The following SPTBN5 variants were observed in gnomAD, a reference collection of about 807,000 sequenced individuals.
SPTBN5 encodes spectrin beta, non-erythrocytic 5, also known as spectrin beta chain, non-erythrocytic 5.
In SPTBN5, 513 loss-of-function variants were observed where a neutral mutation model predicts 477.6. That is an observed-to-expected ratio of 1.07 (90% confidence interval 1.00 to 1.16). SPTBN5 has a LOEUF of 1.16. SPTBN5 is among the 50% of genes most tolerant of loss of function. The pLI is 0.00. For missense variants in SPTBN5, 5,062 were observed against 4,731.8 expected, an observed-to-expected ratio of 1.07 and a Z score of -2.05; for synonymous variants, 2,169 against 2,011.7, an observed-to-expected ratio of 1.08 and a Z score of -2.09.
intron 63 of SPTBN5, among the ~76,000 whole-genome samples, 166 bp downstream of exon 63, chr15:41,851,613 G>A (rs1212818): frequency 0.85 from 116,332 of 137,430 alleles, 50,225 homozygotes; most frequent in Middle Eastern, 0.91. Context: ...GCGGTGGCAG[G>A]AGCTGGGAAG....
Position 41,851,285 on chromosome 15 carries a change from C to T in SPTBN5, c.10741G>A (p.Glu3581Lys). 1 of 1,551,304 alleles carries T rather than the reference C, an allele frequency of 6.4e-7. No homozygotes were observed. Among genetic ancestry groups the T allele is most frequent in the Non-Finnish European group, 8.7e-7 (1 of 1,147,038 alleles). ...ATCTCCCCTACCCCGCCTGGTACCT[C>T]CGCTGCCATCCTCTCATCCAGGAAC... ...SLFLDERMAAEKVASIALLDL... is the reference protein window; with the variant it reads ...SLFLDERMAAKKVASIALLDL... The change falls in exon 64 of 68, where the codon GAG (glutamate) becomes AAG (lysine). Residue 3581 changes from glutamate (E) to lysine (K), a missense_variant and splice_region_variant. Transcript: ENST00000320955.
In SPTBN5 at chr15:41,852,338, G is replaced by T. The variant is rs1263001181; in HGVS notation, c.10450-22C>A. Reference sequence around the variant, plus strand: ...CCATCTTGGGGAGTGGGCAAGGTGGGCAAGGTGAGCCAGGTCAGGGAGACC... The same window carrying T: ...CCATCTTGGGGAGTGGGCAAGGTGGTCAAGGTGAGCCAGGTCAGGGAGACC... On this transcript the variant is annotated intron_variant, in intron 61 of 67. Transcript: ENST00000320955. 5.2e-6 allele frequency: 8 copies of T among 1,546,742 alleles called. No homozygotes were observed. In the African/African-American group the frequency reaches 1.1e-4, roughly 21 times the overall value.
At chr15:41,857,916 A>G (rs540450885) in intron 49 of SPTBN5, among the ~76,000 whole-genome samples, 1 of 152,370 alleles carries the variant, frequency 6.6e-6, no homozygotes, top group South Asian at 2.1e-4. Context: ...GAGATAAGTC[A>G]TATAAAATAC....
At chr15:41,878,748 C>T (rs1455701770) in intron 16 of SPTBN5, 119 bp from the exon 17 acceptor site, 1 of 1,165,070 alleles carries the variant, frequency 8.6e-7, no homozygotes, top group Non-Finnish European at 1.2e-6. Context: ...TCAATGCCCA[C>T]CCCACCCTTG....
chr15:41,881,550 G>T (rs2066953456), intron 12 of SPTBN5, among the ~76,000 whole-genome samples: 1 of 152,236 alleles, frequency 6.6e-6, no homozygotes, highest in African/African-American at 2.4e-5. Flanking sequence ...AGGGGTGTCA[G>T]AAGGCAGTCT....
At chr15:41,878,849 C>T (rs1348554131) in intron 16 of SPTBN5, among the ~76,000 whole-genome samples, 22 of 152,174 alleles carry the variant, frequency 1.4e-4, no homozygotes, top group African/African-American at 4.1e-4. Flanking sequence ...AGGCAGATCA[C>T]GAGGTCAGGA....
rs1595456057 is a variant in SPTBN5, at chr15:41,860,569, C to T, written c.7988+17G>A. The T allele has an allele frequency of 7.1e-7, 1 of 1,404,958 alleles. No individual in the cohort carries two copies. Among genetic ancestry groups the T allele is most frequent in the Non-Finnish European group, 9.3e-7 (1 of 1,073,354 alleles). The allele number at this position is 1,404,958 out of a possible 1,614,324, so 87.0% of individuals were successfully genotyped here. On this transcript the variant is annotated intron_variant, in intron 47 of 67. Coordinates refer to ENST00000320955, the MANE Select transcript of SPTBN5 (RefSeq NM_016642.4). ...CCAGCCTGCCCACAGCACCCCTCAC[C>T]CCAGAGCCACCACTACCTCAGAAGC...
chr15:41,873,408 T>C, intron 26 of SPTBN5, 84 bp downstream of exon 26: 1 of 1,059,398 alleles, frequency 9.4e-7, no homozygotes, highest in South Asian at 1.5e-5. Flanking sequence ...GCTCCGTGCC[T>C]CTGAGAGAGG....
Position 41,879,328 on chromosome 15 carries a change from C to T in SPTBN5, c.3114G>A (p.Leu1038=), listed in dbSNP as rs1433874591. The part of the protein sequence containing the change: ...PGSSEDTCHA[L]QLAQKKTLVL... ...CCAGGGTCTTCTTCTGGGCCAGCTG[C>T]AGGGCGTGGCAGGTGTCCTCTGAGC... is the stretch of plus-strand genomic sequence containing the variant. Residue 1038 remains leucine (L), a synonymous_variant, in exon 16 of 68, where the codon CTG becomes CTA. Coordinates refer to ENST00000320955, the MANE Select transcript of SPTBN5 (RefSeq NM_016642.4). The T allele has an allele frequency of 1.2e-6, 2 of 1,609,878 alleles. No homozygotes were observed. Among genetic ancestry groups the T allele is most frequent in the East Asian group, 2.2e-5 (1 of 44,874 alleles).
rs986511586 is a variant in SPTBN5 at position 41,882,318 on chromosome 15, C to G, written c.2198G>C (p.Arg733Pro). The G allele has an allele frequency of 2.2e-5, 34 of 1,531,338 alleles. No homozygotes were observed. The highest frequency in any genetic ancestry group is 3.0e-5 in the Non-Finnish European group (34 of 1,144,126). 94.9% of individuals were successfully genotyped at this position (1,531,338 alleles called of 1,614,324 possible). The part of the protein sequence containing the change: ...VQGGWQLLQT[R>P]VVGRGARLQT... ...CAGCCGTGCGCCCCGCCCCACCACC[C>G]GGGTCTGGAGCAGCTGCCACCCTCC... Residue 733 changes from arginine (R) to proline (P), a missense_variant, in exon 11 of 68, where the codon CGG becomes CCG. Coordinates refer to ENST00000320955, the MANE Select transcript of SPTBN5 (RefSeq NM_016642.4).
At chr15:41,863,623 G>A (rs2066194418) in intron 41 of SPTBN5, 81 bp downstream of exon 41, 16 of 1,108,156 alleles carry the variant, frequency 1.4e-5, no homozygotes, top group Admixed American at 3.6e-5. Flanking sequence ...GGGGGGAGAC[G>A]CATGGGAGAC....
chr15:41,858,993 G>A lies in SPTBN5; in HGVS notation c.7989-13C>T. 6.5e-7 allele frequency: 1 copy of A among 1,528,784 alleles called. No homozygotes were observed. The highest frequency in any genetic ancestry group is 1.3e-5 in the South Asian group (1 of 79,154). The allele number at this position is 1,528,784 out of a possible 1,614,324, so 94.7% of individuals were successfully genotyped here. A position where few individuals can be genotyped will look rare whatever the true frequency, so the allele number is the denominator to read the frequency against. ...GAGCGCCTCCTTCCTGCCAGGAGGA[G>A]AGGCTCATGGGCCTGGAGCCACCCC... On this transcript the variant is annotated splice_polypyrimidine_tract_variant and intron_variant, in intron 47 of 67. Transcript: ENST00000320955.
chr15:41,861,390 C>T (rs761126593), intron 46 of SPTBN5, 29 bp downstream of exon 46: 2 of 1,590,680 alleles, frequency 1.3e-6, no homozygotes, highest in Non-Finnish European at 1.7e-6. Context: ...GTAATTCCCC[C>T]CTCCTGCCCA....
rs1328378415 is a variant in SPTBN5 at position 41,881,169 on chromosome 15, G to A, written c.2523C>T (p.Ser841=). ...AGGCATCCCCAGGGCCAGGGTGGCA[G>A]GAAGCCTCACTCCAGGGCCCTGGGT... ...LRNPGPWSEA[S]CHPGPGDAWK... is the part of the protein sequence containing the mutation. The change falls in exon 13 of 68, where the codon TCC becomes TCT. Residue 841 remains serine, a synonymous_variant. Coordinates refer to ENST00000320955, the MANE Select transcript of SPTBN5 (RefSeq NM_016642.4). The A allele has an allele frequency of 6.2e-7, 1 of 1,613,426 alleles. No individual in the cohort carries two copies. Among genetic ancestry groups the A allele is most frequent in the Non-Finnish European group, 8.5e-7 (1 of 1,179,848 alleles).
At chr15:41,850,027 T>C in intron 66 of SPTBN5, 68 bp from the exon 67 acceptor site, 2 of 1,312,434 alleles carry the variant, frequency 1.5e-6, no homozygotes, top group Non-Finnish European at 2.2e-6. Flanking sequence ...GTCTGGCTGC[T>C]CCTTCCTCCA....
chr15:41,853,258 C>T lies in SPTBN5; in HGVS notation c.10170G>A (p.Glu3390=), dbSNP rs1567182079. The T allele has an allele frequency of 6.3e-7, 1 of 1,596,366 alleles. No homozygotes were observed. Among genetic ancestry groups the T allele is most frequent in the East Asian group, 2.2e-5 (1 of 44,510 alleles). Residue 3390 remains glutamate, a splice_region_variant and synonymous_variant, in exon 59 of 68, where the codon GAG becomes GAA. Coordinates refer to ENST00000320955, the MANE Select transcript of SPTBN5 (RefSeq NM_016642.4). ...LVDNSHFMSA[E]VTECLQELEG... is the part of the protein sequence containing the mutation. ...CCAGGCCCACCCTCTGAGTTCACACCTCCGCAGACATGAAGTGGCTGTTGT... is the reference window on the plus strand; with the variant it reads ...CCAGGCCCACCCTCTGAGTTCACACTTCCGCAGACATGAAGTGGCTGTTGT...
intron 57 of SPTBN5, 23 bp from the exon 58 acceptor site, chr15:41,853,810 G>A: frequency 2.0e-6 from 3 of 1,534,920 alleles, no homozygotes; most frequent in Non-Finnish European, 2.6e-6. Flanking sequence ...CATGAGATCA[G>A]GCCTCAGTCC....
chr15:41,861,700 G>C, intron 45 of SPTBN5, 35 bp downstream of exon 45: 1 of 1,521,910 alleles, frequency 6.6e-7, no homozygotes. Context: ...TGTTCGGGGG[G>C]GCAAGATGCA....
At chr15:41,889,442 C>T (rs1194291014) in intron 4 of SPTBN5, among the ~76,000 whole-genome samples, 3 of 151,666 alleles carry the variant, frequency 2.0e-5, no homozygotes, top group South Asian at 2.1e-4. Flanking sequence ...TTTTGAGACA[C>T]GGTCTCACTC....
Sources: gnomAD v4.1 joint callset for allele counts (sites outside exome capture counted in the v4.1 genomes callset) on GRCh38, gnomAD v4.1.1 for gene constraint, MANE v1.5 for transcripts, NCBI Gene and HGNC (gene_info 2026-07-23, HGNC 2026-07-21) for gene names.